NKAIN2: variants seen among roughly 807,000 people sequenced by gnomAD.
NKAIN2 encodes sodium/potassium-transporting ATPase subunit beta-1-interacting protein 2.
A neutral mutation model predicts 32.6 loss-of-function variants in NKAIN2; 14 were observed. That is an observed-to-expected ratio of 0.43 (90% CI 0.28 to 0.67). NKAIN2 has a LOEUF of 0.67. NKAIN2 is among the 30% of genes least tolerant of loss of function. The pLI, the probability that NKAIN2 is intolerant of heterozygous loss-of-function variation, is 0.17. For synonymous variants in NKAIN2, 80 were observed against 87.2 expected (o/e 0.92, Z 0.46); for missense variants, 198 against 258.3 (o/e 0.77, Z 1.60).
intron 1 of NKAIN2, among the ~76,000 whole-genome samples, chr6:123,949,011 A>G (rs1179038089): frequency 2.0e-5 from 3 of 151,970 alleles, no homozygotes; most frequent in Non-Finnish European, 4.4e-5. Flanking sequence ...CATTTATTGA[A>G]GAGGGTATCC....
chr6:123,816,571 A>C (rs1199815301), intron 1 of NKAIN2, among the ~76,000 whole-genome samples: 1 of 152,186 alleles, frequency 6.6e-6, no homozygotes, highest in African/African-American at 2.4e-5. Flanking sequence ...AAAAGCAGAA[A>C]ATGGAAGTTG....
chr6:124,666,938 A>G (rs1407757183), intron 4 of NKAIN2, among the ~76,000 whole-genome samples: 1 of 152,062 alleles, frequency 6.6e-6, no homozygotes, highest in Non-Finnish European at 1.5e-5. Flanking sequence ...AATGTTATTT[A>G]TTTTCTCTTT....
At chr6:124,507,441 T>C (rs186228655) in intron 3 of NKAIN2, among the ~76,000 whole-genome samples, 1 of 152,330 alleles carries the variant, frequency 6.6e-6, no homozygotes, top group Admixed American at 6.5e-5. Context: ...ATTTTTATTC[T>C]TACATCAGGA....
Position 124,395,805 on chromosome 6 carries a change from T to TCA in NKAIN2, c.273+40458_273+40459insCA, listed in dbSNP as rs1773352368. On this transcript the variant is annotated intron_variant, in intron 3 of 6. Transcript: ENST00000368417. ...TGAATAAATAGTTGCTGAAATTGCTTTATAGGAAAATAGATCTAGTATCAT... is the reference window on the plus strand; with the variant it reads ...TGAATAAATAGTTGCTGAAATTGCTTCATATAGGAAAATAGATCTAGTATCAT... Among the ~76,000 whole-genome samples the TCA allele has an allele frequency of 2.0e-5, 3 of 152,186 alleles. No homozygotes were observed. The South Asian group carries it at 6.2e-4, about 32-fold the overall frequency.
chr6:124,768,360 T>C (rs1447396907), intron 4 of NKAIN2, among the ~76,000 whole-genome samples: 2 of 152,200 alleles, frequency 1.3e-5, no homozygotes, highest in Non-Finnish European at 2.9e-5. Flanking sequence ...GGAAATATAA[T>C]GAATTTTTCC....
At chr6:124,516,397 G>C (rs940265696) in intron 3 of NKAIN2, among the ~76,000 whole-genome samples, 1 of 151,720 alleles carries the variant, frequency 6.6e-6, no homozygotes, top group Non-Finnish European at 1.5e-5. Flanking sequence ...TTTTTTTTCA[G>C]TTAAAAGAAG....
At chr6:124,436,034 T>C (rs559278851) in intron 3 of NKAIN2, among the ~76,000 whole-genome samples, 1 of 152,258 alleles carries the variant, frequency 6.6e-6, no homozygotes, top group African/African-American at 2.4e-5. Context: ...CTAACCCCAA[T>C]ATAGAGAATT....
intron 3 of NKAIN2, among the ~76,000 whole-genome samples, chr6:124,414,134 G>A (rs1449671382): frequency 6.6e-6 from 1 of 151,826 alleles, no homozygotes; most frequent in African/African-American, 2.4e-5. Flanking sequence ...CACATTCAGG[G>A]TTTTACCATT....
At chr6:124,814,413 A>T (rs1013555602) in intron 5 of NKAIN2, among the ~76,000 whole-genome samples, 4 of 152,192 alleles carry the variant, frequency 2.6e-5, no homozygotes, top group African/African-American at 9.7e-5. Flanking sequence ...GTAAAAATCC[A>T]GCCTGGTTAC....
At chr6:124,430,863 CACACACGCGCGCGCACAT>C (rs1287275181) in intron 3 of NKAIN2, among the ~76,000 whole-genome samples, 1 of 152,110 alleles carries the variant, frequency 6.6e-6, no homozygotes, top group Non-Finnish European at 1.5e-5. Flanking sequence ...GCAACACGTG[CACACACGCGCGCGCACAT>C]ACACACATGC....
At chr6:124,542,650 C>A (rs558487508) in intron 3 of NKAIN2, among the ~76,000 whole-genome samples, 1 of 152,118 alleles carries the variant, frequency 6.6e-6, no homozygotes, top group Non-Finnish European at 1.5e-5. Flanking sequence ...AAAGCCATAA[C>A]AACACTGATG....
chr6:124,177,398 C>T (rs1315716842), intron 1 of NKAIN2, among the ~76,000 whole-genome samples: 3 of 152,082 alleles, frequency 2.0e-5, no homozygotes, highest in African/African-American at 7.2e-5. Context: ...CTGGTATAAT[C>T]CTGTGACATT....
intron 3 of NKAIN2, among the ~76,000 whole-genome samples, chr6:124,410,828 A>C (rs904926568): frequency 6.6e-6 from 1 of 152,138 alleles, no homozygotes; most frequent in African/African-American, 2.4e-5. Flanking sequence ...GTGGGAGTCT[A>C]AGTTTCTTTG....
chr6:123,896,132 T>C (rs1774269373), intron 1 of NKAIN2, among the ~76,000 whole-genome samples: 1 of 152,204 alleles, frequency 6.6e-6, no homozygotes, highest in Admixed American at 6.5e-5. Context: ...TTGTATTATG[T>C]CTGGTACAGT....
chr6:123,847,076 G>C (rs371335322), intron 1 of NKAIN2, among the ~76,000 whole-genome samples: 8 of 152,210 alleles, frequency 5.3e-5, no homozygotes, highest in African/African-American at 1.7e-4. Context: ...TAAATTCTAA[G>C]TGTGCTTTTA....
chr6:123,805,621 C>T (rs1163296116), intron 1 of NKAIN2, among the ~76,000 whole-genome samples: 2 of 152,022 alleles, frequency 1.3e-5, no homozygotes, highest in Non-Finnish European at 2.9e-5. Context: ...TTTTTCTGTA[C>T]CACAGATTCA....
intron 3 of NKAIN2, among the ~76,000 whole-genome samples, chr6:124,647,669 A>C (rs1170557690): frequency 6.6e-6 from 1 of 152,098 alleles, no homozygotes; most frequent in Non-Finnish European, 1.5e-5. Flanking sequence ...GAAAGAAAGA[A>C]TGGAAACAGG....
At chr6:123,826,378 CT>C (rs1275470643) in intron 1 of NKAIN2, among the ~76,000 whole-genome samples, 1 of 152,088 alleles carries the variant, frequency 6.6e-6, no homozygotes, top group Non-Finnish European at 1.5e-5. Context: ...ACAAAATTTA[CT>C]ATTTTAACCA....
chr6:124,698,248 C>T (rs1046556631), intron 4 of NKAIN2, among the ~76,000 whole-genome samples: 14 of 152,124 alleles, frequency 9.2e-5, no homozygotes, highest in African/African-American at 2.7e-4. Flanking sequence ...CAATTAGCTT[C>T]TTGAGTCTAG....
Sources: gnomAD v4.1 joint callset for allele counts (sites outside exome capture counted in the v4.1 genomes callset) on GRCh38, gnomAD v4.1.1 for gene constraint, MANE v1.5 for transcripts, NCBI Gene and HGNC (gene_info 2026-07-23, HGNC 2026-07-21) for gene names.